Variants in DTNA observed in about 807,000 individuals in gnomAD.
The protein encoded by DTNA is dystrophin-related protein 3.
A neutral mutation model predicts 100.7 loss-of-function variants in DTNA; 43 were observed. The ratio of observed to expected loss-of-function variants is 0.43; its 90% CI spans 0.33 to 0.55. The LOEUF (loss-of-function observed/expected upper bound fraction) is 0.55. DTNA is among the 20% of genes least tolerant of loss of function. The probability of loss-of-function intolerance (pLI) is 0.04; values close to 1 mark genes in which losing one functional copy is unlikely to be tolerated. For synonymous variants in DTNA, 349 were observed against 347.9 expected (o/e 1.00, Z -0.04); for missense variants, 798 against 953.9 (o/e 0.84, Z 2.15).
At chr18:34,528,556 G>C (rs10502629) in intron 1 of DTNA, among the ~76,000 whole-genome samples, 2,761 of 152,046 alleles carry the variant, frequency 0.018, 88 homozygotes, top group African/African-American at 0.064. Flanking sequence ...GGATAACTGC[G>C]AGTGTGTTAG....
chr18:34,604,533 C>G (rs1219078871), intron 1 of DTNA, among the ~76,000 whole-genome samples: 1 of 152,182 alleles, frequency 6.6e-6, no homozygotes, highest in Admixed American at 6.5e-5. Flanking sequence ...TCCTCTGTAA[C>G]TCTTTGACTA....
upstream of DTNA, among the ~76,000 whole-genome samples, chr18:34,707,074 T>G (rs1304432916): frequency 6.6e-6 from 1 of 152,202 alleles, no homozygotes; most frequent in African/African-American, 2.4e-5. Flanking sequence ...TTGTTTTAAT[T>G]TCATTAACAT....
At chr18:34,672,921 T>C (rs1247301320) in intron 1 of DTNA, among the ~76,000 whole-genome samples, 2 of 152,076 alleles carry the variant, frequency 1.3e-5, no homozygotes, top group East Asian at 3.8e-4. Context: ...TCTTCACAAT[T>C]TATTATATTT....
chr18:34,578,321 T>A (rs1009883294), intron 1 of DTNA, among the ~76,000 whole-genome samples: 1 of 152,058 alleles, frequency 6.6e-6, no homozygotes, highest in African/African-American at 2.4e-5. Flanking sequence ...TTGATGAGAT[T>A]GTTTGTTTTT....
At chr18:34,585,821 A>G (rs1039703252) in intron 1 of DTNA, among the ~76,000 whole-genome samples, 1 of 152,222 alleles carries the variant, frequency 6.6e-6, no homozygotes, top group Non-Finnish European at 1.5e-5. Flanking sequence ...TCAAAGGTAT[A>G]GAGAGGTGGG....
intron 16 of DTNA, among the ~76,000 whole-genome samples, chr18:34,858,971 T>C (rs1451857506): frequency 6.6e-6 from 1 of 152,238 alleles, no homozygotes; most frequent in Non-Finnish European, 1.5e-5. Context: ...ACATAGCTCT[T>C]TTTAGAAATA....
chr18:34,636,689 C>G (rs955586915), intron 1 of DTNA, among the ~76,000 whole-genome samples: 1 of 152,080 alleles, frequency 6.6e-6, no homozygotes, highest in African/African-American at 2.4e-5. Flanking sequence ...CCCAGGAGCC[C>G]ATGGATCACC....
At chr18:34,586,490 C>T (rs894424568) in intron 1 of DTNA, among the ~76,000 whole-genome samples, 34 of 152,156 alleles carry the variant, frequency 2.2e-4, no homozygotes, top group African/African-American at 7.7e-4. Context: ...TCACCAGATG[C>T]AGCCACCCGT....
intron 1 of DTNA, among the ~76,000 whole-genome samples, chr18:34,579,246 TTAC>T (rs2048392601): frequency 6.6e-6 from 1 of 152,206 alleles, no homozygotes. Flanking sequence ...ACAAAATGTG[TTAC>T]TATTTTTGCT....
intron 4 of DTNA, among the ~76,000 whole-genome samples, chr18:34,797,286 C>A (rs1244150880): frequency 1.3e-5 from 2 of 152,088 alleles, no homozygotes; most frequent in Admixed American, 6.5e-5. Flanking sequence ...CAGAGGTTAT[C>A]TTTTTTAAGG....
intron 1 of DTNA, among the ~76,000 whole-genome samples, chr18:34,753,363 TTTA>T (rs2092497267): frequency 1.3e-5 from 1 of 75,714 alleles, no homozygotes; most frequent in African/African-American, 7.4e-5. Flanking sequence ...ATTTATTTAT[TTTA>T]TTTTTTTTTT....
chr18:34,685,032 T>C (rs1249144721), intron 1 of DTNA, among the ~76,000 whole-genome samples: 1 of 152,214 alleles, frequency 6.6e-6, no homozygotes, highest in Non-Finnish European at 1.5e-5. Flanking sequence ...TCCTTGTAGA[T>C]TCTGGATATT....
intron 1 of DTNA, among the ~76,000 whole-genome samples, chr18:34,667,562 G>A (rs1260923572): frequency 1.3e-5 from 2 of 152,166 alleles, no homozygotes; most frequent in South Asian, 2.1e-4. Context: ...CTGTGGGTTT[G>A]TCATAAATAG....
intron 1 of DTNA, among the ~76,000 whole-genome samples, chr18:34,748,691 C>A (rs1235304429): frequency 1.3e-5 from 2 of 152,156 alleles, no homozygotes; most frequent in African/African-American, 4.8e-5. Context: ...CAGTAATATA[C>A]TGTTTTGGTA....
rs187196781 is a variant in DTNA at position 34,839,724 on chromosome 18, T to G, written c.1346+887T>G. ...TAAGGGCCCATGGATTTTCCATAGT[T>G]ACAATTATTAAGAAAGCCAATGGGT... is the stretch of plus-strand genomic sequence containing the variant. On this transcript the variant is annotated intron_variant, in intron 13 of 22. Transcript: ENST00000444659. 2.8e-3 allele frequency among the ~76,000 whole-genome samples: 430 copies of G among 152,306 alleles called. 1 individual carries two copies. The highest frequency in any genetic ancestry group is 4.9e-3 in the Non-Finnish European group (334 of 68,018).
At chr18:34,602,225 T>A (rs2052016367) in intron 1 of DTNA, among the ~76,000 whole-genome samples, 1 of 152,214 alleles carries the variant, frequency 6.6e-6, no homozygotes, top group African/African-American at 2.4e-5. Flanking sequence ...TTTAAGCCAA[T>A]ATTTTAAGGT....
chr18:34,547,958 A>T (rs993585846), intron 1 of DTNA, among the ~76,000 whole-genome samples: 3 of 152,174 alleles, frequency 2.0e-5, no homozygotes, highest in African/African-American at 7.2e-5. Context: ...TTTGAGATAA[A>T]TCTAAAATAA....
rs2096936888 is a variant in DTNA, at chr18:34,887,837, AGAG to A, written c.*109_*111del. 1 of 986,240 alleles carries A rather than the reference AGAG, an allele frequency of 1.0e-6. No individual in the cohort carries two copies. Among genetic ancestry groups the A allele is most frequent in the Non-Finnish European group, 1.2e-6 (1 of 830,070 alleles). The allele number at this position is 986,240 out of a possible 1,614,324, so 61.1% of individuals were successfully genotyped here. A position where few individuals can be genotyped will look rare whatever the true frequency, so the allele number is the denominator to read the frequency against. On this transcript the variant is annotated 3_prime_UTR_variant, in exon 23 of 23. Coordinates refer to ENST00000444659, the MANE Select transcript of DTNA (RefSeq NM_001386795.1). ...ATGATGGAGAGCCCTGTGGCCACACAGAGGAGGAAGACAGCAGCCTGGCAGCAG... is the reference window on the plus strand; with the variant it reads ...ATGATGGAGAGCCCTGTGGCCACACAGAGGAAGACAGCAGCCTGGCAGCAG...
chr18:34,527,468 G>A (rs541390088), intron 1 of DTNA, among the ~76,000 whole-genome samples: 1 of 152,110 alleles, frequency 6.6e-6, no homozygotes, highest in African/African-American at 2.4e-5. Flanking sequence ...TCAGCAAAAT[G>A]AGACAATGTT....
Sources: gnomAD v4.1 joint callset for allele counts (sites outside exome capture counted in the v4.1 genomes callset) on GRCh38, gnomAD v4.1.1 for gene constraint, MANE v1.5 for transcripts, NCBI Gene and HGNC (gene_info 2026-07-23, HGNC 2026-07-21) for gene names.